Variants in PTN observed in about 807,000 individuals in gnomAD.
The protein encoded by PTN is pleiotrophin.
A neutral mutation model predicts 24.1 loss-of-function variants in PTN; 18 were observed. That is an observed-to-expected ratio of 0.75 (90% CI 0.52 to 1.11). The LOEUF is 1.11. Ranked by LOEUF, PTN falls within the 50% of genes least tolerant of loss-of-function variation. The pLI is 0.00. For missense variants in PTN, 163 were observed against 198.8 expected (o/e 0.82, Z 1.08); for synonymous variants, 78 against 68.6 (o/e 1.14, Z -0.67).
chr7:137,307,541 C>A (rs1368508003), intron 1 of PTN, among the ~76,000 whole-genome samples: 1 of 152,024 alleles, frequency 6.6e-6, no homozygotes, highest in African/African-American at 2.4e-5. Flanking sequence ...TTTCTGACCA[C>A]AAACAGCTCA....
At chr7:137,232,100 A>G (rs1280446650) in intron 4 of PTN, among the ~76,000 whole-genome samples, 2 of 151,984 alleles carry the variant, frequency 1.3e-5, no homozygotes, top group African/African-American at 4.8e-5. Context: ...AACAGAGCCA[A>G]ATCAAGAGAA....
rs376258465 is a variant in PTN at position 137,342,022 on chromosome 7, G to A, written c.-2+1417C>T. 3.9e-5 allele frequency among the ~76,000 whole-genome samples: 6 copies of A among 152,192 alleles called. No homozygotes were observed. In the East Asian group the frequency reaches 9.7e-4, roughly 24 times the overall value. ...TTTTAAACGACTTGGCCTTTAAAGT[G>A]CATAATTTACTTAAAAGGAAACATA... On this transcript the variant is annotated intron_variant, in intron 1 of 4. Coordinates refer to ENST00000348225, the MANE Select transcript of PTN (RefSeq NM_002825.7).
At chr7:137,253,335 C>T (rs1420454101) in intron 3 of PTN, 129 bp downstream of exon 3, 1 of 981,670 alleles carries the variant, frequency 1.0e-6, no homozygotes, top group Admixed American at 3.1e-5. Flanking sequence ...TGGGACCAGT[C>T]TGGTCACTTT....
At chr7:137,301,477 A>G (rs1809805006) in intron 1 of PTN, among the ~76,000 whole-genome samples, 1 of 151,946 alleles carries the variant, frequency 6.6e-6, no homozygotes, top group African/African-American at 2.4e-5. Flanking sequence ...AGGATTAATG[A>G]GCTATATTGG....
At chr7:137,274,694 A>G (rs957165653) in intron 1 of PTN, among the ~76,000 whole-genome samples, 1 of 152,246 alleles carries the variant, frequency 6.6e-6, no homozygotes, top group African/African-American at 2.4e-5. Context: ...CTCAAAAAAT[A>G]TTTGTGAAAT....
chr7:137,273,426 C>T (rs1416516246), intron 1 of PTN, among the ~76,000 whole-genome samples: 2 of 152,172 alleles, frequency 1.3e-5, no homozygotes, highest in South Asian at 2.1e-4. Flanking sequence ...TTAACTCACT[C>T]ACAGTTCAGC....
At chr7:137,281,281 C>G (rs1364676092) in intron 1 of PTN, among the ~76,000 whole-genome samples, 1 of 152,006 alleles carries the variant, frequency 6.6e-6, no homozygotes, top group Non-Finnish European at 1.5e-5. Context: ...AAATAGAATC[C>G]TATGTGATTC....
At chr7:137,284,203 G>T (rs899762594) in intron 1 of PTN, among the ~76,000 whole-genome samples, 3 of 151,340 alleles carry the variant, frequency 2.0e-5, no homozygotes, top group African/African-American at 7.3e-5. Flanking sequence ...TGATCCGCCC[G>T]CCTCGGCCTC....
At chr7:137,319,924 A>C (rs1162583609) in intron 1 of PTN, among the ~76,000 whole-genome samples, 2 of 152,136 alleles carry the variant, frequency 1.3e-5, no homozygotes, top group South Asian at 2.1e-4. Flanking sequence ...GTCCATACTC[A>C]ATACTCCTAA....
At chr7:137,330,403 A>G (rs1473807679) in intron 1 of PTN, among the ~76,000 whole-genome samples, 1 of 152,182 alleles carries the variant, frequency 6.6e-6, no homozygotes, top group Non-Finnish European at 1.5e-5. Flanking sequence ...CTGAACTGAA[A>G]CAGAATGTTG....
At chr7:137,278,801 C>T (rs912203267) in intron 1 of PTN, among the ~76,000 whole-genome samples, 15 of 151,644 alleles carry the variant, frequency 9.9e-5, no homozygotes, top group Non-Finnish European at 2.1e-4. Context: ...CTTAGCCGGG[C>T]ATGGTGGCGC....
At chr7:137,291,635 G>A (rs17169051) in intron 1 of PTN, among the ~76,000 whole-genome samples, 2 of 151,788 alleles carry the variant, frequency 1.3e-5, no homozygotes, top group African/African-American at 2.4e-5. Flanking sequence ...CATCCCCAAC[G>A]GCATCCCAGA....
At chr7:137,316,837 A>G (rs1810080850) in intron 1 of PTN, among the ~76,000 whole-genome samples, 1 of 152,114 alleles carries the variant, frequency 6.6e-6, no homozygotes, top group Admixed American at 6.6e-5. Context: ...TCATGAGGTA[A>G]CCCAGGTGTT....
intron 1 of PTN, among the ~76,000 whole-genome samples, chr7:137,287,517 A>T (rs1420027461): frequency 6.6e-6 from 1 of 152,106 alleles, no homozygotes; most frequent in Non-Finnish European, 1.5e-5. Context: ...TCCTAATCCA[A>T]CAACCAGAAT....
At chr7:137,300,273 T>G (rs1563216963) in intron 1 of PTN, among the ~76,000 whole-genome samples, 1 of 152,020 alleles carries the variant, frequency 6.6e-6, no homozygotes, top group African/African-American at 2.4e-5. Context: ...AGCAGCGTAA[T>G]TTGAGAAGCA....
chr7:137,270,259 A>C (rs994154724), intron 1 of PTN, among the ~76,000 whole-genome samples: 1 of 152,210 alleles, frequency 6.6e-6, no homozygotes, highest in Admixed American at 6.5e-5. Flanking sequence ...TTGTCAATTA[A>C]TTTTAAGACA....
intron 1 of PTN, among the ~76,000 whole-genome samples, chr7:137,293,068 G>A (rs1809666109): frequency 6.6e-6 from 1 of 152,058 alleles, no homozygotes; most frequent in African/African-American, 2.4e-5. Flanking sequence ...GCCATCTCAT[G>A]ACACTTACCA....
intron 4 of PTN, among the ~76,000 whole-genome samples, chr7:137,248,025 C>G (rs920354304): frequency 3.3e-5 from 5 of 152,074 alleles, no homozygotes; most frequent in African/African-American, 1.2e-4. Flanking sequence ...ATAATACCCA[C>G]CCGCAAGGAT....
intron 1 of PTN, chr7:137,325,501 C>G (rs923014977): frequency 6.5e-6 from 1 of 153,014 alleles, no homozygotes; most frequent in Non-Finnish European, 1.5e-5. Context: ...CAGCAAGAAG[C>G]AACATCACCA....
Sources: gnomAD v4.1 joint callset for allele counts (sites outside exome capture counted in the v4.1 genomes callset) on GRCh38, gnomAD v4.1.1 for gene constraint, MANE v1.5 for transcripts, NCBI Gene and HGNC (gene_info 2026-07-23, HGNC 2026-07-21) for gene names.